Variants in CLUAP1 observed in about 807,000 individuals in gnomAD.
The protein encoded by CLUAP1 is intraflagellar transport 38.
A neutral mutation model predicts 55.0 loss-of-function variants in CLUAP1; 50 were observed. The observed-to-expected ratio is 0.91, with a 90% CI of 0.72 to 1.15. The LOEUF (loss-of-function observed/expected upper bound fraction) is 1.15, where lower values mean the gene tolerates loss of function less well. Ranked by LOEUF, CLUAP1 falls within the 50% of genes most tolerant of loss-of-function variation. The pLI, the probability that CLUAP1 is intolerant of heterozygous loss-of-function variation, is 0.00. For synonymous variants in CLUAP1, 195 were observed against 175.4 expected (o/e 1.11, Z -0.88); for missense variants, 530 against 507.6 (o/e 1.04, Z -0.42).
chr16:3,500,887 T>C, upstream of CLUAP1: 1 of 656,794 alleles, frequency 1.5e-6, no homozygotes, highest in South Asian at 1.9e-5. Context: ...GAGCGCTCTC[T>C]GCCGGCCCGC....
intron 6 of CLUAP1, among the ~76,000 whole-genome samples, chr16:3,519,329 T>C (rs929415726): frequency 1.3e-5 from 2 of 152,236 alleles, no homozygotes; most frequent in African/African-American, 4.8e-5. Context: ...GCTTTCGTAC[T>C]GTCTTCAGAG....
rs200427672 is a variant in CLUAP1 at position 3,519,929 on chromosome 16, G to C, written c.606G>C (p.Leu202=). The change falls in exon 7 of 12, where the codon CTG becomes CTC. Residue 202 remains leucine (L), a synonymous_variant. Coordinates refer to ENST00000576634, the MANE Select transcript of CLUAP1 (RefSeq NM_015041.3). ...CACAGGTTCAGAAGACTAAAGACCT[G>C]CTCAATAATGTGGCCTCTGATGAAG... ...ILTQVQKTKD[L]LNNVASDEAN... is the part of the protein sequence containing the mutation. The C allele has an allele frequency of 1.2e-6, 2 of 1,611,686 alleles. No individual in the cohort carries two copies. Among genetic ancestry groups the C allele is most frequent in the East Asian group, 4.5e-5 (2 of 44,864 alleles).
chr16:3,526,515 A>ACTC (rs752168067), intron 9 of CLUAP1, 31 bp downstream of exon 9: 1 of 1,486,364 alleles, frequency 6.7e-7, no homozygotes, highest in South Asian at 1.2e-5. Context: ...CGAGCAGTTT[A>ACTC]CTCTGGACTA....
chr16:3,503,546 C>T (rs1213414311), intron 1 of CLUAP1, among the ~76,000 whole-genome samples: 1 of 152,012 alleles, frequency 6.6e-6, no homozygotes, highest in African/African-American at 2.4e-5. Flanking sequence ...ATCTACCCTC[C>T]TCGGCTCCCA....
intron 2 of CLUAP1, among the ~76,000 whole-genome samples, chr16:3,505,684 C>T (rs2037493232): frequency 1.3e-5 from 2 of 152,188 alleles, no homozygotes; most frequent in Non-Finnish European, 1.5e-5. Flanking sequence ...CCCCTCATGG[C>T]AGAGTGACAG....
intron 4 of CLUAP1, among the ~76,000 whole-genome samples, chr16:3,509,094 CA>C (rs1455660772): frequency 6.6e-6 from 1 of 150,942 alleles, no homozygotes; most frequent in Admixed American, 6.6e-5. Context: ...CCATTTTTAC[CA>C]AAAAAAAGAA....
At chr16:3,498,760 C>T (rs920382502), upstream of CLUAP1, among the ~76,000 whole-genome samples, 2 of 151,688 alleles carry the variant, frequency 1.3e-5, no homozygotes, top group African/African-American at 2.4e-5. Context: ...CTTGGGAGGC[C>T]GAGGCAGGAG....
chr16:3,533,087 C>T lies in CLUAP1; in HGVS notation c.1092+246C>T, dbSNP rs997387292. ...GCCTTCTCACTGTTCTTTCCATTCT[C>T]GCTTTCCAAAGATGGAAGCAGCACC... On this transcript the variant is annotated intron_variant, in intron 11 of 11. Transcript: ENST00000576634. 51 of 1,535,606 alleles carry T rather than the reference C, an allele frequency of 3.3e-5. 1 individual carries two copies. The East Asian group carries it at 6.6e-4, about 20-fold the overall frequency.
intron 5 of CLUAP1, among the ~76,000 whole-genome samples, chr16:3,513,006 G>C (rs2037662108): frequency 6.6e-6 from 1 of 152,202 alleles, no homozygotes; most frequent in Non-Finnish European, 1.5e-5. Context: ...TTCTTGTTTA[G>C]GAGTGGCAGC....
intron 9 of CLUAP1, 115 bp from the exon 10 acceptor site, chr16:3,530,453 C>G: frequency 5.6e-6 from 4 of 716,002 alleles, no homozygotes; most frequent in Non-Finnish European, 9.9e-6. Context: ...TCTTAATTTC[C>G]TGGATAGAAT....
chr16:3,511,625 C>T (rs921034016), intron 4 of CLUAP1, among the ~76,000 whole-genome samples: 1 of 152,192 alleles, frequency 6.6e-6, no homozygotes, highest in Non-Finnish European at 1.5e-5. Context: ...CGTCAGGCAC[C>T]CTACTGTGAC....
rs1205638253 is a variant in CLUAP1, at chr16:3,516,291, A to G, written c.579+700A>G. Reference sequence around the variant, plus strand: ...CGGATGAGGGCCCCTGTGTACATTCAGAGTAGGCATAAAACAAGAATTTGC... The same window carrying G: ...CGGATGAGGGCCCCTGTGTACATTCGGAGTAGGCATAAAACAAGAATTTGC... On this transcript the variant is annotated intron_variant, in intron 6 of 11. Transcript: ENST00000576634. 4.6e-5 allele frequency among the ~76,000 whole-genome samples: 7 copies of G among 152,360 alleles called. No homozygotes were observed. The East Asian group carries it at 1.3e-3, about 29-fold the overall frequency.
chr16:3,532,875 A>C (rs370096771), intron 11 of CLUAP1, 34 bp downstream of exon 11: 2 of 1,611,444 alleles, frequency 1.2e-6, no homozygotes, highest in Non-Finnish European at 1.7e-6. Flanking sequence ...GGTTCTGTGC[A>C]CTCTGGGTTT....
rs202061654 is a variant in CLUAP1 at position 3,536,129 on chromosome 16, C to G, written c.1100C>G (p.Ser367Trp). The G allele has an allele frequency of 6.2e-7, 1 of 1,613,944 alleles. No homozygotes were observed. Among genetic ancestry groups the G allele is most frequent in the East Asian group, 2.2e-5 (1 of 44,878 alleles). ...QGGDSDDNED[S>W]EESEIDMEDD... ...GCCATTTTTTTCCTATAGGAGGACTCGGAGGAGAGTGAAATTGACATGGAA... is the reference window on the plus strand; with the variant it reads ...GCCATTTTTTTCCTATAGGAGGACTGGGAGGAGAGTGAAATTGACATGGAA... Residue 367 changes from serine (S) to tryptophan (W), a missense_variant, in exon 12 of 12, where the codon TCG (serine) becomes TGG (tryptophan). By Grantham distance (177) the Ser-to-Trp change is radical (BLOSUM62 -3). Coordinates refer to ENST00000576634, the MANE Select transcript of CLUAP1 (RefSeq NM_015041.3).
At position 3,536,446 on chromosome 16, in the gene CLUAP1, A is replaced by G. The variant is rs1163590838; in HGVS notation, c.*175A>G. 1 of 605,272 alleles carries G rather than the reference A, an allele frequency of 1.7e-6. No individual in the cohort carries two copies. Among genetic ancestry groups the G allele is most frequent in the Non-Finnish European group, 2.7e-6 (1 of 364,662 alleles). 37.5% of individuals were successfully genotyped at this position (605,272 alleles called of 1,614,324 possible). A position where few individuals can be genotyped will look rare whatever the true frequency, so the allele number is the denominator to read the frequency against. Reference sequence around the variant, plus strand: ...CTATGTTTGCATTCCATGAAGCTTAAATAAGAATTGAAGCAAATCCCTAAG... The same window carrying G: ...CTATGTTTGCATTCCATGAAGCTTAGATAAGAATTGAAGCAAATCCCTAAG... On this transcript the variant is annotated 3_prime_UTR_variant, in exon 12 of 12. Transcript: ENST00000576634.
rs774008193 is a variant in CLUAP1 at position 3,519,885 on chromosome 16, A to G, written c.580-18A>G. The G allele has an allele frequency of 3.2e-6, 5 of 1,574,010 alleles. No homozygotes were observed. The highest frequency in any genetic ancestry group is 4.3e-6 in the Non-Finnish European group (5 of 1,166,382). ...GTTTTTATTGCCACCTTGTCTCATT[A>G]TTTCCCATTAAATATAGACACAGGT... On this transcript the variant is annotated intron_variant, in intron 6 of 11. Coordinates refer to ENST00000576634, the MANE Select transcript of CLUAP1 (RefSeq NM_015041.3).
At chr16:3,501,357 A>G (rs564350255) in intron 1 of CLUAP1, among the ~76,000 whole-genome samples, 1 of 152,356 alleles carries the variant, frequency 6.6e-6, no homozygotes, top group Non-Finnish European at 1.5e-5. Context: ...GCTAGTGCAG[A>G]TGAATAACTG....
At chr16:3,530,714 C>G in intron 10 of CLUAP1, 39 bp downstream of exon 10, 1 of 1,529,374 alleles carries the variant, frequency 6.5e-7, no homozygotes, top group South Asian at 1.1e-5. Context: ...TCCCTGCGCC[C>G]TGTTTCACAG....
chr16:3,518,253 T>C (rs1161521834), intron 6 of CLUAP1, among the ~76,000 whole-genome samples: 3 of 152,258 alleles, frequency 2.0e-5, no homozygotes, highest in South Asian at 2.1e-4. Flanking sequence ...TCCTTGCCAG[T>C]GTTCTAACTG....
Sources: allele counts gnomAD v4.1 joint callset (sites outside exome capture counted in the v4.1 genomes callset), GRCh38; gene constraint gnomAD v4.1.1; transcripts MANE v1.5; gene names NCBI Gene and HGNC (gene_info 2026-07-23, HGNC 2026-07-21).